Variants in MAGEB5 observed in about 807,000 individuals in gnomAD.
The protein encoded by MAGEB5 is MAGE family member B5.
For synonymous variants in MAGEB5, 70 were observed against 75.0 expected, an observed-to-expected ratio of 0.93 and a Z score of 0.34; for missense variants, 189 against 197.1, an observed-to-expected ratio of 0.96 and a Z score of 0.25.
intron 1 of MAGEB5, 129 bp downstream of exon 1, chrX:26,216,327 G>T (rs1275954356): frequency 8.9e-6 from 1 of 111,842 alleles, no homozygotes; most frequent in Non-Finnish European, 1.9e-5. Context: ...CCCTACCAGA[G>T]GTCAAAGCAA....
chrX:26,217,452 C>T lies in MAGEB5; in HGVS notation c.151C>T (p.Leu51=). The T allele has an allele frequency of 8.6e-7, 1 of 1,166,970 alleles. No individual in the cohort carries two copies. The highest frequency in any genetic ancestry group is 1.1e-6 in the Non-Finnish European group (1 of 873,058). The stretch of plus-strand genomic sequence containing the variant: ...TAAGGTGGGTTTGTTGGAGCAGTTC[C>T]TGCTCTACAAGTTCAAAATGAAACA... ...NIKVGLLEQF[L]LYKFKMKQRI... Residue 51 remains leucine, a synonymous_variant, in exon 2 of 2, where the codon CTG becomes TTG. Coordinates refer to ENST00000602297, the MANE Select transcript of MAGEB5 (RefSeq NM_001271752.1).
At position 26,217,205 on chromosome X, in the gene MAGEB5, C is replaced by A; in HGVS notation, c.-97C>A. 1.7e-6 allele frequency: 1 copy of A among 582,877 alleles called. No individual in the cohort carries two copies. Among genetic ancestry groups the A allele is most frequent in the South Asian group, 3.2e-5 (1 of 31,586 alleles). 48.0% of individuals were successfully genotyped at this position (582,877 alleles called of 1,213,427 possible). Reference sequence around the variant, plus strand: ...CCAGTGAATAAGTGGAAGATGATCCCCTCCCCACTTCCTCTCCTATTCTTG... The same window carrying A: ...CCAGTGAATAAGTGGAAGATGATCCACTCCCCACTTCCTCTCCTATTCTTG... On this transcript the variant is annotated 5_prime_UTR_variant, in exon 2 of 2. Coordinates refer to ENST00000602297, the MANE Select transcript of MAGEB5 (RefSeq NM_001271752.1).
Position 26,218,188 on chromosome X carries a change from T to C in MAGEB5, c.*59T>C, listed in dbSNP as rs767384981. The C allele has an allele frequency of 2.5e-6, 2 of 795,501 alleles. No individual in the cohort carries two copies. Among genetic ancestry groups the C allele is most frequent in the Non-Finnish European group, 3.4e-6 (2 of 586,432 alleles). The allele number at this position is 795,501 out of a possible 1,213,427, so 65.6% of individuals were successfully genotyped here. A position where few individuals can be genotyped will look rare whatever the true frequency, so the allele number is the denominator to read the frequency against. Reference sequence around the variant, plus strand: ...ATAACATCACCAAAAGGGATTTTTTTTGGAAATACAAAAGAACCCCCAGTA... The same window carrying C: ...ATAACATCACCAAAAGGGATTTTTTCTGGAAATACAAAAGAACCCCCAGTA... On this transcript the variant is annotated 3_prime_UTR_variant, in exon 2 of 2. Transcript: ENST00000602297.
intron 1 of MAGEB5, among the ~76,000 whole-genome samples, chrX:26,216,547 T>A (rs973504103): frequency 9.0e-6 from 1 of 111,190 alleles, no homozygotes; most frequent in Non-Finnish European, 1.9e-5. Flanking sequence ...AGGCCCTATA[T>A]GCCAATGTAA....
In MAGEB5 at chrX:26,217,337, C is replaced by A. The variant is rs765804904; in HGVS notation, c.36C>A (p.Asp12Glu). 5 of 1,157,209 alleles carry A rather than the reference C, an allele frequency of 4.3e-6. No individual in the cohort carries two copies. The highest frequency in any genetic ancestry group is 5.8e-6 in the Non-Finnish European group (5 of 869,294). The stretch of plus-strand genomic sequence containing the variant: ...CAGGTGTTTTTAATGCAGGATCTGA[C>A]GAAAGGGCTAACAGTAGAGATGAGG... ...TSAGVFNAGS[D>E]ERANSRDEEY... is the part of the protein sequence containing the mutation. The change falls in exon 2 of 2, where the codon GAC becomes GAA. Residue 12 changes from aspartate to glutamate, a missense_variant. Coordinates refer to ENST00000602297, the MANE Select transcript of MAGEB5 (RefSeq NM_001271752.1).
Position 26,217,520 on chromosome X carries a change from A to T in MAGEB5, c.219A>T (p.Arg73Ser). 8.6e-7 allele frequency: 1 copy of T among 1,166,418 alleles called. No individual in the cohort carries two copies. The highest frequency in any genetic ancestry group is 1.1e-6 in the Non-Finnish European group (1 of 872,798). The change falls in exon 2 of 2, where the codon AGA becomes AGT. Residue 73 changes from arginine to serine, a missense_variant. Physicochemically the swap from Arg to Ser is moderately radical, Grantham distance 110 (BLOSUM62 -1). Transcript: ENST00000602297. ...ATATGCTGAAGATTGTCAACCCAAG[A>T]TACCAAAACCAGTTTGCTGAGATTC... ...KEDMLKIVNPRYQNQFAEIHR... is the reference protein window; with the variant it reads ...KEDMLKIVNPSYQNQFAEIHR...
chrX:26,217,556 T>A lies in MAGEB5; in HGVS notation c.255T>A (p.Ala85=). 8.6e-7 allele frequency: 1 copy of A among 1,167,046 alleles called. No individual in the cohort carries two copies. The highest frequency in any genetic ancestry group is 2.3e-4 in the Middle Eastern group (1 of 4,309). ...QNQFAEIHRR[A]SEHIEVVFAV... ...AGTTTGCTGAGATTCACAGAAGAGC[T>A]TCTGAGCACATTGAGGTTGTCTTTG... Residue 85 remains alanine, a synonymous_variant, in exon 2 of 2, where the codon GCT becomes GCA. Coordinates refer to ENST00000602297, the MANE Select transcript of MAGEB5 (RefSeq NM_001271752.1).
In MAGEB5 at chrX:26,217,312, C is replaced by T. The variant is rs1043165462; in HGVS notation, c.11C>T (p.Ala4Val). The change falls in exon 2 of 2, where the codon GCA becomes GTA. Residue 4 changes from alanine to valine, a missense_variant. Coordinates refer to ENST00000602297, the MANE Select transcript of MAGEB5 (RefSeq NM_001271752.1). ...TGCGAATCCAGCACCATGACTTCTG[C>T]AGGTGTTTTTAATGCAGGATCTGAC... The part of the protein sequence containing the change: MTS[A>V]GVFNAGSDER... 8.7e-7 allele frequency: 1 copy of T among 1,144,568 alleles called. No individual in the cohort carries two copies. Among genetic ancestry groups the T allele is most frequent in the African/African-American group, 1.8e-5 (1 of 55,617 alleles). 94.3% of individuals were successfully genotyped at this position (1,144,568 alleles called of 1,213,427 possible).
In MAGEB5 at chrX:26,218,126, T is replaced by C. The variant is rs757178776; in HGVS notation, c.825T>C (p.Tyr275=). 6.3e-6 allele frequency: 7 copies of C among 1,108,755 alleles called. No homozygotes were observed. Among genetic ancestry groups the C allele is most frequent in the Non-Finnish European group, 8.3e-6 (7 of 842,917 alleles). The allele number at this position is 1,108,755 out of a possible 1,213,427, so 91.4% of individuals were successfully genotyped here. A position where few individuals can be genotyped will look rare whatever the true frequency, so the allele number is the denominator to read the frequency against. ...AGTTCAGCAGCTTCTCTCAACCCTA[T>C]TGAAGTCTGAAGCTTTTTTCATCCA... ...RAKFSSFSQP[Y] Residue 275 remains tyrosine (Y), a synonymous_variant, in exon 2 of 2, where the codon TAT becomes TAC. Transcript: ENST00000602297.
Position 26,218,158 on chromosome X carries a change from C to A in MAGEB5, c.*29C>A. 2.1e-6 allele frequency: 2 copies of A among 963,816 alleles called. No individual in the cohort carries two copies. Among genetic ancestry groups the A allele is most frequent in the Non-Finnish European group, 2.7e-6 (2 of 732,795 alleles). 79.4% of individuals were successfully genotyped at this position (963,816 alleles called of 1,213,427 possible). On this transcript the variant is annotated 3_prime_UTR_variant, in exon 2 of 2. Coordinates refer to ENST00000602297, the MANE Select transcript of MAGEB5 (RefSeq NM_001271752.1). Reference sequence around the variant, plus strand: ...CTGAAGCTTTTTTCATCCAGTCAAGCAAATATAACATCACCAAAAGGGATT... The same window carrying A: ...CTGAAGCTTTTTTCATCCAGTCAAGAAAATATAACATCACCAAAAGGGATT...
At position 26,217,660 on chromosome X, in the gene MAGEB5, G is replaced by A. The variant is rs1255771585; in HGVS notation, c.359G>A (p.Arg120Lys). 1 of 1,165,876 alleles carries A rather than the reference G, an allele frequency of 8.6e-7. No homozygotes were observed. The highest frequency in any genetic ancestry group is 1.8e-5 in the African/African-American group (1 of 56,308). The part of the protein sequence containing the change: ...VSKLKLPNNG[R>K]IHVGKVLPKT... ...AAGCTGAAACTCCCCAACAATGGGAGGATTCATGTTGGCAAAGTGTTACCC... is the reference window on the plus strand; with the variant it reads ...AAGCTGAAACTCCCCAACAATGGGAAGATTCATGTTGGCAAAGTGTTACCC... Residue 120 changes from arginine to lysine, a missense_variant, in exon 2 of 2, where the codon AGG becomes AAG. Coordinates refer to ENST00000602297, the MANE Select transcript of MAGEB5 (RefSeq NM_001271752.1).
In MAGEB5 at chrX:26,218,261, G is replaced by A; in HGVS notation, c.*132G>A. 7.2e-6 allele frequency: 3 copies of A among 416,416 alleles called. No individual in the cohort carries two copies. The highest frequency in any genetic ancestry group is 7.9e-6 in the Non-Finnish European group (2 of 252,829). The allele number at this position is 416,416 out of a possible 1,213,427, so 34.3% of individuals were successfully genotyped here. ...GAAAAAAATAATAAAACATGATCTTGGTTTTCTTCATTCCTTTCAGTCTTT... is the reference window on the plus strand; with the variant it reads ...GAAAAAAATAATAAAACATGATCTTAGTTTTCTTCATTCCTTTCAGTCTTT... On this transcript the variant is annotated 3_prime_UTR_variant, in exon 2 of 2. Transcript: ENST00000602297.
rs1189565544 is a variant in MAGEB5 at position 26,217,567 on chromosome X, T to G, written c.266T>G (p.Ile89Ser). Reference protein sequence around the residue: ...AEIHRRASEHIEVVFAVDLKE... With the variant: ...AEIHRRASEHSEVVFAVDLKE... ...ATTCACAGAAGAGCTTCTGAGCACA[T>G]TGAGGTTGTCTTTGCAGTTGACTTG... Residue 89 changes from isoleucine (I) to serine (S), a missense_variant, in exon 2 of 2, where the codon ATT becomes AGT. Ile to Ser is a moderately radical substitution (Grantham distance 142). Coordinates refer to ENST00000602297, the MANE Select transcript of MAGEB5 (RefSeq NM_001271752.1). 1.5e-5 allele frequency: 18 copies of G among 1,166,970 alleles called. No individual in the cohort carries two copies. The highest frequency in any genetic ancestry group is 2.1e-5 in the Non-Finnish European group (18 of 873,024).
Position 26,217,358 on chromosome X carries a change from T to C in MAGEB5, c.57T>C (p.Asp19=), listed in dbSNP as rs1391842974. ...AGSDERANSR[D]EEYPCSSEVS... ...CTGACGAAAGGGCTAACAGTAGAGATGAGGAGTACCCATGTTCCTCAGAGG... is the reference window on the plus strand; with the variant it reads ...CTGACGAAAGGGCTAACAGTAGAGACGAGGAGTACCCATGTTCCTCAGAGG... Residue 19 remains aspartate, a synonymous_variant, in exon 2 of 2, where the codon GAT becomes GAC. Coordinates refer to ENST00000602297, the MANE Select transcript of MAGEB5 (RefSeq NM_001271752.1). The C allele has an allele frequency of 7.7e-6, 9 of 1,163,766 alleles. No individual in the cohort carries two copies. Among genetic ancestry groups the C allele is most frequent in the Non-Finnish European group, 1.0e-5 (9 of 872,261 alleles).
rs1929480087 is a variant in MAGEB5 at position 26,218,201 on chromosome X, A to G, written c.*72A>G. 1.6e-6 allele frequency: 1 copy of G among 634,316 alleles called. No homozygotes were observed. The highest frequency in any genetic ancestry group is 2.2e-5 in the African/African-American group (1 of 44,480). 52.3% of individuals were successfully genotyped at this position (634,316 alleles called of 1,213,427 possible). A position where few individuals can be genotyped will look rare whatever the true frequency, so the allele number is the denominator to read the frequency against. On this transcript the variant is annotated 3_prime_UTR_variant, in exon 2 of 2. Coordinates refer to ENST00000602297, the MANE Select transcript of MAGEB5 (RefSeq NM_001271752.1). The stretch of plus-strand genomic sequence containing the variant: ...AAGGGATTTTTTTTGGAAATACAAA[A>G]GAACCCCCAGTAAAATAATTGAGAT...
At chrX:26,217,020 C>T (rs1602244805) in intron 1 of MAGEB5, 65 bp from the exon 2 acceptor site, 1 of 305,251 alleles carries the variant, frequency 3.3e-6, no homozygotes, top group Non-Finnish European at 5.7e-6. Flanking sequence ...TCTCAATCTT[C>T]CTCCTCCAGT....
intron 1 of MAGEB5, 62 bp from the exon 2 acceptor site, chrX:26,217,023 C>T: frequency 3.2e-6 from 1 of 308,890 alleles, no homozygotes; most frequent in East Asian, 5.0e-5. Context: ...CAATCTTCCT[C>T]CTCCAGTGGG....
intron 1 of MAGEB5, among the ~76,000 whole-genome samples, 190 bp downstream of exon 1, chrX:26,216,388 G>A (rs1213825017): frequency 1.8e-5 from 2 of 111,933 alleles, no homozygotes; most frequent in Non-Finnish European, 3.8e-5. Context: ...AAAGAATCTG[G>A]CCCTACCCTG....
chrX:26,218,191 G>A lies in MAGEB5; in HGVS notation c.*62G>A. The stretch of plus-strand genomic sequence containing the variant: ...ACATCACCAAAAGGGATTTTTTTTG[G>A]AAATACAAAAGAACCCCCAGTAAAA... On this transcript the variant is annotated 3_prime_UTR_variant, in exon 2 of 2. Coordinates refer to ENST00000602297, the MANE Select transcript of MAGEB5 (RefSeq NM_001271752.1). 1.1e-5 allele frequency: 8 copies of A among 752,285 alleles called. No individual in the cohort carries two copies. The highest frequency in any genetic ancestry group is 4.5e-5 in the South Asian group (1 of 22,192). 62.0% of individuals were successfully genotyped at this position (752,285 alleles called of 1,213,427 possible).
Sources: gnomAD v4.1 joint callset for allele counts (sites outside exome capture counted in the v4.1 genomes callset) on GRCh38, gnomAD v4.1.1 for gene constraint, MANE v1.5 for transcripts, NCBI Gene and HGNC (gene_info 2026-07-23, HGNC 2026-07-21) for gene names.